NEIL2: variants seen among roughly 807,000 people sequenced by gnomAD.
NEIL2 encodes endonuclease 8-like 2.
In NEIL2, 23 loss-of-function variants were observed where a neutral mutation model predicts 22.2. That is an observed-to-expected ratio of 1.04 (90% CI 0.75 to 1.47). The LOEUF (loss-of-function observed/expected upper bound fraction) is 1.47. NEIL2 is among the 40% of genes most tolerant of loss of function. The probability of loss-of-function intolerance (pLI) is 0.00; values close to 1 mark genes in which losing one functional copy is unlikely to be tolerated. For missense variants in NEIL2, 583 were observed against 404.7 expected (o/e 1.44, Z -3.78); for synonymous variants, 229 against 164.8 (o/e 1.39, Z -2.99).
Position 11,787,242 on chromosome 8 carries a change from A to G in NEIL2, c.*969A>G, listed in dbSNP as rs4639. ...TGTATTGGTGACTGTTGATTTGTTG[A>G]ACAATTCAGGAATCAAGGGCTGTGG... On this transcript the variant is annotated 3_prime_UTR_variant, in exon 5 of 5. Coordinates refer to ENST00000284503, the MANE Select transcript of NEIL2 (RefSeq NM_145043.4). 0.4 allele frequency: 61,443 copies of G among 152,548 alleles called. 14,497 individuals are homozygous for G. The highest frequency in any genetic ancestry group is 0.73 in the East Asian group (3,764 of 5,180). The allele number at this position is 152,548 out of a possible 1,614,324, so 9.4% of individuals were successfully genotyped here.
chr8:11,781,009 G>A (rs1200682994), intron 3 of NEIL2, among the ~76,000 whole-genome samples: 1 of 151,976 alleles, frequency 6.6e-6, no homozygotes, highest in Non-Finnish European at 1.5e-5. Context: ...TTGGCATTTG[G>A]GATTTTAAAT....
At chr8:11,783,745 G>A (rs1272050987) in intron 4 of NEIL2, among the ~76,000 whole-genome samples, 1 of 152,232 alleles carries the variant, frequency 6.6e-6, no homozygotes, top group East Asian at 1.9e-4. Context: ...CGTAGGAGGT[G>A]CCTGACCTGT....
chr8:11,780,207 G>A (rs913395548), intron 3 of NEIL2, among the ~76,000 whole-genome samples: 4 of 152,188 alleles, frequency 2.6e-5, no homozygotes, highest in African/African-American at 9.7e-5. Context: ...TGGCACTTGA[G>A]GGGGGACTGT....
intron 3 of NEIL2, 152 bp downstream of exon 3, chr8:11,780,102 C>A (rs1585768529): frequency 1.6e-6 from 1 of 641,502 alleles, no homozygotes; most frequent in Non-Finnish European, 2.7e-6. Flanking sequence ...ACCTCTGTAT[C>A]TACCTGTGAT....
chr8:11,777,051 T>G (rs1803963736), intron 2 of NEIL2, among the ~76,000 whole-genome samples: 1 of 152,194 alleles, frequency 6.6e-6, no homozygotes, highest in African/African-American at 2.4e-5. Context: ...CCCTGTCTCC[T>G]CTGCCCTCCA....
At chr8:11,771,016 A>G (rs563968243) in intron 1 of NEIL2, among the ~76,000 whole-genome samples, 2 of 152,304 alleles carry the variant, frequency 1.3e-5, no homozygotes, top group South Asian at 4.1e-4. Flanking sequence ...ATAAGTCGGC[A>G]GCAGTGGGTC....
chr8:11,779,105 A>G (rs905411267), intron 2 of NEIL2, among the ~76,000 whole-genome samples: 4 of 152,010 alleles, frequency 2.6e-5, no homozygotes, highest in Non-Finnish European at 5.9e-5. Context: ...TTGTTTCAGT[A>G]TCTAATTTTT....
intron 3 of NEIL2, among the ~76,000 whole-genome samples, chr8:11,780,829 C>G (rs528551722): frequency 4.6e-5 from 7 of 152,138 alleles, no homozygotes; most frequent in Non-Finnish European, 1.0e-4. Context: ...ATTTTTCTGG[C>G]CTTAGGAAAG....
At chr8:11,781,720 T>TC (rs774841210) in intron 3 of NEIL2, among the ~76,000 whole-genome samples, 5 of 152,232 alleles carry the variant, frequency 3.3e-5, no homozygotes, top group Non-Finnish European at 5.9e-5. Flanking sequence ...TTTTCTTTAA[T>TC]AGGCTGGCCT....
chr8:11,782,375 A>C (rs1804502543), intron 3 of NEIL2, among the ~76,000 whole-genome samples: 1 of 152,204 alleles, frequency 6.6e-6, no homozygotes, highest in African/African-American at 2.4e-5. Context: ...CAGTGAGCCA[A>C]GATAGTGCCA....
At chr8:11,784,669 C>G (rs971364242) in intron 4 of NEIL2, among the ~76,000 whole-genome samples, 2 of 152,182 alleles carry the variant, frequency 1.3e-5, no homozygotes, top group Non-Finnish European at 2.9e-5. Flanking sequence ...AGCATGGACT[C>G]AGTCCACTGT....
At chr8:11,772,768 A>G (rs937689600) in intron 2 of NEIL2, among the ~76,000 whole-genome samples, 1 of 152,192 alleles carries the variant, frequency 6.6e-6, no homozygotes, top group African/African-American at 2.4e-5. Flanking sequence ...TGTGCTCTTA[A>G]GCATGTTCAT....
In NEIL2 at chr8:11,786,040, C is replaced by A; in HGVS notation, c.766C>A (p.Arg256Ser). ...TCTCGGTTCAGTCCTGAGTGCCTCGCGTCGGGAGGTCCTGGTGGATCACGT... is the reference window on the plus strand; with the variant it reads ...TCTCGGTTCAGTCCTGAGTGCCTCGAGTCGGGAGGTCCTGGTGGATCACGT... ...LSLGSVLSAS[R>S]REVLVDHVVE... The change falls in exon 5 of 5, where the codon CGT becomes AGT. Residue 256 changes from arginine to serine, a missense_variant. Coordinates refer to ENST00000284503, the MANE Select transcript of NEIL2 (RefSeq NM_145043.4). The A allele has an allele frequency of 1.2e-6, 2 of 1,614,090 alleles. No individual in the cohort carries two copies. Among genetic ancestry groups the A allele is most frequent in the South Asian group, 1.1e-5 (1 of 91,080 alleles).
In NEIL2 at chr8:11,779,754, G is replaced by A; in HGVS notation, c.295G>A (p.Asp99Asn). The change falls in exon 3 of 5, where the codon GAT (aspartate) becomes AAT (asparagine). Residue 99 changes from aspartate (D) to asparagine (N), a missense_variant. Coordinates refer to ENST00000284503, the MANE Select transcript of NEIL2 (RefSeq NM_145043.4). ...GGAGCCCAGCGGGCAGAAGACCCTT[G>A]ATGGATCCTCACGGTCTGCAGAGCT... ...VGEPSGQKTL[D>N]GSSRSAELVP... The A allele has an allele frequency of 6.2e-7, 1 of 1,614,244 alleles. No homozygotes were observed. The highest frequency in any genetic ancestry group is 1.1e-5 in the South Asian group (1 of 91,090).
chr8:11,782,316 T>G (rs1804495766), intron 3 of NEIL2, among the ~76,000 whole-genome samples: 1 of 152,042 alleles, frequency 6.6e-6, no homozygotes. Flanking sequence ...TCCCAGCTAC[T>G]CGGGAGGCTG....
chr8:11,780,211 G>A (rs946159191), intron 3 of NEIL2, among the ~76,000 whole-genome samples: 1 of 152,286 alleles, frequency 6.6e-6, no homozygotes, highest in Non-Finnish European at 1.5e-5. Flanking sequence ...ACTTGAGGGG[G>A]GACTGTCCCT....
At position 11,779,606 on chromosome 8, in the gene NEIL2, A is replaced by G. The variant is rs1278526106; in HGVS notation, c.147A>G (p.Gly49=). The change falls in exon 3 of 5, where the codon GGA becomes GGG. Residue 49 remains glycine, a synonymous_variant. Coordinates refer to ENST00000284503, the MANE Select transcript of NEIL2 (RefSeq NM_145043.4). The part of the protein sequence containing the change: ...SLWLQDTQVH[G]KKLFLRFDLD... ...CTGTTCATTTTTTCTAGGTCCATGG[A>G]AAGAAATTATTCCTTAGATTTGATC... 1.2e-6 allele frequency: 2 copies of G among 1,611,632 alleles called. No individual in the cohort carries two copies. Among genetic ancestry groups the G allele is most frequent in the South Asian group, 1.1e-5 (1 of 91,042 alleles).
rs8191616 is a variant in NEIL2, at chr8:11,780,567, C to T, written c.491+617C>T. On this transcript the variant is annotated intron_variant, in intron 3 of 4. Transcript: ENST00000284503. ...CTAACTTTTGTATTTTTAATAGAGA[C>T]GGGGTTTCACCATGTTGGACAGGCT... is the stretch of plus-strand genomic sequence containing the variant. 4.5e-4 allele frequency among the ~76,000 whole-genome samples: 68 copies of T among 152,212 alleles called. No individual in the cohort carries two copies. In the East Asian group the frequency reaches 0.012, roughly 27 times the overall value.
chr8:11,786,018 C>G lies in NEIL2; in HGVS notation c.744C>G (p.Leu248=), dbSNP rs1016400534. The G allele has an allele frequency of 6.2e-7, 1 of 1,614,132 alleles. No individual in the cohort carries two copies. The part of the protein sequence containing the change: ...LYRAGIHPLS[L]GSVLSASRRE... Reference sequence around the variant, plus strand: ...GAGCTGGGATCCATCCCCTTTCTCTCGGTTCAGTCCTGAGTGCCTCGCGTC... The same window carrying G: ...GAGCTGGGATCCATCCCCTTTCTCTGGGTTCAGTCCTGAGTGCCTCGCGTC... The change falls in exon 5 of 5, where the codon CTC becomes CTG. Residue 248 remains leucine (L), a synonymous_variant. Transcript: ENST00000284503.
Sources: gnomAD v4.1 joint callset for allele counts (sites outside exome capture counted in the v4.1 genomes callset) on GRCh38, gnomAD v4.1.1 for gene constraint, MANE v1.5 for transcripts, NCBI Gene and HGNC (gene_info 2026-07-23, HGNC 2026-07-21) for gene names.